Variants in ACSM4 observed in about 807,000 individuals in gnomAD.
The protein encoded by ACSM4 is acyl-CoA synthetase medium chain family member 4.
Under a neutral mutation model 73.0 loss-of-function variants are expected in ACSM4, and 66 were observed. The ratio of observed to expected loss-of-function variants is 0.90; its 90% CI spans 0.74 to 1.11. The LOEUF is 1.11. Among genes scored for constraint, ACSM4 ranks in the 50% least tolerant of loss-of-function variants. The pLI, the probability that ACSM4 is intolerant of heterozygous loss-of-function variation, is 0.00. For synonymous variants in ACSM4, 222 were observed against 254.0 expected (o/e 0.87, Z 1.20); for missense variants, 645 against 714.4 (o/e 0.90, Z 1.11).
At chr12:7,324,991 T>C (rs1946493531) in intron 11 of ACSM4, among the ~76,000 whole-genome samples, 1 of 152,222 alleles carries the variant, frequency 6.6e-6, no homozygotes, top group South Asian at 2.1e-4. Context: ...TCCTACTTGA[T>C]AGCAACCAAC....
chr12:7,314,935 C>T (rs977212549), intron 3 of ACSM4, among the ~76,000 whole-genome samples: 1 of 152,020 alleles, frequency 6.6e-6, no homozygotes, highest in Non-Finnish European at 1.5e-5. Flanking sequence ...GTGGCTCATG[C>T]CTGTAATCCC....
chr12:7,304,916 G>A (rs1401866321), intron 1 of ACSM4, among the ~76,000 whole-genome samples: 1 of 152,194 alleles, frequency 6.6e-6, no homozygotes, highest in Non-Finnish European at 1.5e-5. Flanking sequence ...GGAGAGAATT[G>A]GAGGTTGACA....
At chr12:7,323,399 G>A in intron 8 of ACSM4, 60 bp from the exon 9 acceptor site, 1 of 1,596,682 alleles carries the variant, frequency 6.3e-7, no homozygotes, top group South Asian at 1.1e-5. Flanking sequence ...CTATTCATAA[G>A]CTGCTTTCAT....
chr12:7,318,906 T>G (rs754755334), intron 5 of ACSM4, among the ~76,000 whole-genome samples: 2 of 152,358 alleles, frequency 1.3e-5, no homozygotes, highest in African/African-American at 4.8e-5. Context: ...GGCAGCAGTC[T>G]GCAACCTTTT....
chr12:7,312,314 G>GTACT (rs1946395726), intron 3 of ACSM4, among the ~76,000 whole-genome samples: 1 of 152,138 alleles, frequency 6.6e-6, no homozygotes, highest in Non-Finnish European at 1.5e-5. Flanking sequence ...TAATTATACT[G>GTACT]TACTTATCTC....
chr12:7,310,481 C>T (rs2136329470), intron 2 of ACSM4, 58 bp from the exon 3 acceptor site: 2 of 1,512,948 alleles, frequency 1.3e-6, no homozygotes, highest in African/African-American at 1.4e-5. Flanking sequence ...GCACAAAGCC[C>T]AAGTCTTCCA....
chr12:7,323,136 G>T (rs1305836620), intron 7 of ACSM4, 98 bp from the exon 8 acceptor site: 1 of 1,202,700 alleles, frequency 8.3e-7, no homozygotes, highest in African/African-American at 1.5e-5. Flanking sequence ...CTGCATACCA[G>T]GAAAATCAGT....
At chr12:7,308,726 T>C (rs1457868144) in intron 2 of ACSM4, among the ~76,000 whole-genome samples, 1 of 152,250 alleles carries the variant, frequency 6.6e-6, no homozygotes, top group Non-Finnish European at 1.5e-5. Context: ...CTTATCCTTA[T>C]GCATTTATTC....
Position 7,328,282 on chromosome 12 carries a change from A to T in ACSM4, c.1657-5A>T. 1.9e-6 allele frequency: 3 copies of T among 1,574,798 alleles called. No individual in the cohort carries two copies. The highest frequency in any genetic ancestry group is 2.3e-5 in the East Asian group (1 of 43,180). Reference sequence around the variant, plus strand: ...TGTCTCATCACGTTTTTTTCTGTCAATTAGGTGGAATTTGTTCAAGAACTC... The same window carrying T: ...TGTCTCATCACGTTTTTTTCTGTCATTTAGGTGGAATTTGTTCAAGAACTC... On this transcript the variant is annotated splice_region_variant and splice_polypyrimidine_tract_variant and intron_variant, in intron 12 of 12. Transcript: ENST00000399422.
chr12:7,314,513 G>A (rs1946407510), intron 3 of ACSM4, among the ~76,000 whole-genome samples: 1 of 152,070 alleles, frequency 6.6e-6, no homozygotes, highest in African/African-American at 2.4e-5. Context: ...ACAGATAGAT[G>A]GACAGATGAA....
At chr12:7,321,771 T>C (rs1946465612) in intron 6 of ACSM4, among the ~76,000 whole-genome samples, 2 of 152,208 alleles carry the variant, frequency 1.3e-5, no homozygotes, top group African/African-American at 4.8e-5. Flanking sequence ...GCCCTGCTAC[T>C]TACTAATCAC....
At chr12:7,321,324 C>A (rs1167195071) in intron 6 of ACSM4, among the ~76,000 whole-genome samples, 1 of 152,170 alleles carries the variant, frequency 6.6e-6, no homozygotes, top group African/African-American at 2.4e-5. Flanking sequence ...TTTAGCCAAA[C>A]CATATGAACA....
chr12:7,324,066 T>C (rs1591846681), intron 9 of ACSM4, among the ~76,000 whole-genome samples: 1 of 151,938 alleles, frequency 6.6e-6, no homozygotes, highest in Middle Eastern at 3.4e-3. Context: ...TGGTCCCAGC[T>C]ACTCAGGAGG....
rs749721205 is a variant in ACSM4, at chr12:7,321,643, C to T, written c.1002-775C>T. On this transcript the variant is annotated intron_variant, in intron 6 of 12. Transcript: ENST00000399422. ...GAATACACATGATTTGTATTCTACCCACACCCTCTGGCCCATTTGGGGCCT... is the reference window on the plus strand; with the variant it reads ...GAATACACATGATTTGTATTCTACCTACACCCTCTGGCCCATTTGGGGCCT... Among the ~76,000 whole-genome samples the T allele has an allele frequency of 1.6e-4, 25 of 152,312 alleles. 1 individual carries two copies. The highest frequency in any genetic ancestry group is 1.9e-4 in the East Asian group (1 of 5,186).
chr12:7,312,407 AT>A (rs1946396230), intron 3 of ACSM4, among the ~76,000 whole-genome samples: 2 of 152,246 alleles, frequency 1.3e-5, no homozygotes. Flanking sequence ...GTGTTAATTA[AT>A]GGCATTATCT....
At chr12:7,326,065 A>G (rs932543783) in intron 11 of ACSM4, among the ~76,000 whole-genome samples, 1 of 152,238 alleles carries the variant, frequency 6.6e-6, no homozygotes, top group African/African-American at 2.4e-5. Context: ...TGAACAATAA[A>G]TAATATAAAT....
intron 3 of ACSM4, among the ~76,000 whole-genome samples, chr12:7,315,875 T>A (rs1476329257): frequency 1.3e-5 from 2 of 152,174 alleles, no homozygotes; most frequent in African/African-American, 4.8e-5. Context: ...GGCTGCCAGC[T>A]GAAGCACCTC....
At chr12:7,322,294 G>C in intron 6 of ACSM4, 124 bp from the exon 7 acceptor site, 1 of 1,347,854 alleles carries the variant, frequency 7.4e-7, no homozygotes, top group East Asian at 2.3e-5. Flanking sequence ...AGTATTTGTT[G>C]AATGAACTTT....
chr12:7,306,650 A>C lies in ACSM4; in HGVS notation c.319A>C (p.Lys107Gln). Residue 107 changes from lysine to glutamine, a missense_variant, in exon 2 of 13, where the codon AAG (lysine) becomes CAG (glutamine). Physicochemically the swap from Lys to Gln is moderately conservative, Grantham distance 53 (BLOSUM62 1). Transcript: ENST00000399422. The part of the protein sequence containing the change: ...LSRKAANVLT[K>Q]PCGLQRGDRL... ...CCGAAAAGCTGCCAACGTGCTCACCAAGCCCTGTGGCCTGCAGAGAGGAGA... is the reference window on the plus strand; with the variant it reads ...CCGAAAAGCTGCCAACGTGCTCACCCAGCCCTGTGGCCTGCAGAGAGGAGA... 2 of 1,610,074 alleles carry C rather than the reference A, an allele frequency of 1.2e-6. No individual in the cohort carries two copies. The highest frequency in any genetic ancestry group is 2.2e-5 in the South Asian group (2 of 89,944).
Sources: allele counts gnomAD v4.1 joint callset (sites outside exome capture counted in the v4.1 genomes callset), GRCh38; gene constraint gnomAD v4.1.1; transcripts MANE v1.5; gene names NCBI Gene and HGNC (gene_info 2026-07-23, HGNC 2026-07-21).